The following ZNF837 variants were observed in gnomAD, a reference collection of about 807,000 sequenced individuals.
ZNF837 encodes the protein zinc finger protein 837.
For synonymous variants in ZNF837, 475 were observed against 365.2 expected (o/e 1.30, Z -3.43); for missense variants, 955 against 801.7 (o/e 1.19, Z -2.31).
At position 58,368,102 on chromosome 19, in the gene ZNF837, G is replaced by T; in HGVS notation, c.1231C>A (p.Arg411Ser). ...TAGGGCTTGGCGCTGCTGTGAGTGC[G>T]CTGGTGCCGGCTCAGGTTCGAGCGC... ...NQRSNLSRHQRTHSSAKPYAC... is the reference protein window; with the variant it reads ...NQRSNLSRHQSTHSSAKPYAC... The change falls in exon 3 of 3, where the codon CGC (arginine) becomes AGC (serine). Residue 411 changes from arginine (R) to serine (S), a missense_variant. Physicochemically the swap from Arg to Ser is moderately radical, Grantham distance 110. Transcript: ENST00000597582. 1 of 1,563,862 alleles carries T rather than the reference G, an allele frequency of 6.4e-7. No individual in the cohort carries two copies.
At chr19:58,375,212 C>T (rs1222869208) in intron 1 of ZNF837, among the ~76,000 whole-genome samples, 2 of 128,150 alleles carry the variant, frequency 1.6e-5, no homozygotes, top group Non-Finnish European at 3.2e-5. Context: ...GCCGAGATCA[C>T]AACACTGTAC....
At chr19:58,379,090 A>G (rs1200296550) in intron 1 of ZNF837, among the ~76,000 whole-genome samples, 2 of 152,202 alleles carry the variant, frequency 1.3e-5, no homozygotes, top group African/African-American at 4.8e-5. Context: ...AGCACCCTCG[A>G]CAGAATGTGT....
At position 58,368,980 on chromosome 19, in the gene ZNF837, G is replaced by A; in HGVS notation, c.353C>T (p.Pro118Leu). ...CCTGCTGCAGTCCCCGCCACGCGCTGGGCTCCTACAGGGGCCCTCCCGGGC... is the reference window on the plus strand; with the variant it reads ...CCTGCTGCAGTCCCCGCCACGCGCTAGGCTCCTACAGGGGCCCTCCCGGGC... ...LQAREGPCRS[P>L]ARGGDCSRNS... Residue 118 changes from proline (P) to leucine (L), a missense_variant, in exon 3 of 3, where the codon CCA becomes CTA. Pro to Leu is a moderately conservative substitution (Grantham distance 98, BLOSUM62 -3). Coordinates refer to ENST00000597582, the MANE Select transcript of ZNF837 (RefSeq NM_138466.2). 6.5e-7 allele frequency: 1 copy of A among 1,530,116 alleles called. No homozygotes were observed. The highest frequency in any genetic ancestry group is 8.8e-7 in the Non-Finnish European group (1 of 1,135,120). The allele number at this position is 1,530,116 out of a possible 1,614,324, so 94.8% of individuals were successfully genotyped here. A position where few individuals can be genotyped will look rare whatever the true frequency, so the allele number is the denominator to read the frequency against.
chr19:58,370,305 T>C (rs1160575601), intron 1 of ZNF837, among the ~76,000 whole-genome samples: 1 of 152,178 alleles, frequency 6.6e-6, no homozygotes, highest in Admixed American at 6.6e-5. Context: ...ATCTCTCTCT[T>C]TCTGGGTTTG....
intron 1 of ZNF837, among the ~76,000 whole-genome samples, chr19:58,379,444 C>T (rs553102547): frequency 6.6e-6 from 1 of 152,206 alleles, no homozygotes; most frequent in Non-Finnish European, 1.5e-5. Context: ...CCAACTATCC[C>T]ACCTGTAGGT....
Position 58,368,180 on chromosome 19 carries a change from G to C in ZNF837, c.1153C>G (p.His385Asp). The C allele has an allele frequency of 6.3e-7, 1 of 1,581,386 alleles. No individual in the cohort carries two copies. Among genetic ancestry groups the C allele is most frequent in the Non-Finnish European group, 8.6e-7 (1 of 1,165,894 alleles). Residue 385 changes from histidine to aspartate, a missense_variant, in exon 3 of 3, where the codon CAC becomes GAC. By Grantham distance (81) the His-to-Asp change is moderately conservative (BLOSUM62 -1). Coordinates refer to ENST00000597582, the MANE Select transcript of ZNF837 (RefSeq NM_138466.2). ...CACGCGTAGGGCTTCTCGCCGGTGTGCACGCGCCGGTGCTCCACGAGGTGC... is the reference window on the plus strand; with the variant it reads ...CACGCGTAGGGCTTCTCGCCGGTGTCCACGCGCCGGTGCTCCACGAGGTGC... ...FSHLVEHRRVHTGEKPYACPE... is the reference protein window; with the variant it reads ...FSHLVEHRRVDTGEKPYACPE...
rs2052168627 is a variant in ZNF837 at position 58,368,726 on chromosome 19, C to T, written c.607G>A (p.Gly203Ser). Reference sequence around the variant, plus strand: ...AGGGCCCTCCACGCAAAGGCCTCGCCGCACGCGCAAGCCCGGGGCTGCTCC... The same window carrying T: ...AGGGCCCTCCACGCAAAGGCCTCGCTGCACGCGCAAGCCCGGGGCTGCTCC... ...LVEQPRACAC[G>S]EAFAWRALRI... The change falls in exon 3 of 3, where the codon GGC becomes AGC. Residue 203 changes from glycine to serine, a missense_variant. Gly to Ser is a moderately conservative substitution (Grantham distance 56). Transcript: ENST00000597582. The T allele has an allele frequency of 1.3e-6, 2 of 1,536,504 alleles. No individual in the cohort carries two copies. Among genetic ancestry groups the T allele is most frequent in the East Asian group, 2.4e-5 (1 of 40,864 alleles).
At chr19:58,373,146 G>A (rs1599925158) in intron 1 of ZNF837, among the ~76,000 whole-genome samples, 1 of 152,198 alleles carries the variant, frequency 6.6e-6, no homozygotes, top group Admixed American at 6.5e-5. Context: ...AAAGCCACTC[G>A]GGGTCTGGGT....
intron 1 of ZNF837, among the ~76,000 whole-genome samples, chr19:58,379,906 A>G (rs976352619): frequency 6.6e-6 from 1 of 152,088 alleles, no homozygotes; most frequent in Non-Finnish European, 1.5e-5. Flanking sequence ...GAGGCTGGAG[A>G]ATCGCTTGAA....
At position 58,368,034 on chromosome 19, in the gene ZNF837, GC is replaced by G; in HGVS notation, c.1298del (p.Gly433AlafsTer?). ...LCEKAFKGRS[G>X]LVQHQRAHTG... ...TGTGCGCGCGCTGGTGTTGCACCAG[GC>G]CCGAGCGGCCCTTGAAGGCCTTTTC... On this transcript the variant is annotated frameshift_variant, in exon 3 of 3. Transcript: ENST00000597582. LOFTEE classifies it low-confidence loss of function (END_TRUNC). 6.5e-7 allele frequency: 1 copy of G among 1,536,642 alleles called. No individual in the cohort carries two copies. Among genetic ancestry groups the G allele is most frequent in the Non-Finnish European group, 8.7e-7 (1 of 1,145,790 alleles).
At chr19:58,376,245 A>AT (rs1367619702) in intron 1 of ZNF837, among the ~76,000 whole-genome samples, 2 of 151,520 alleles carry the variant, frequency 1.3e-5, no homozygotes, top group Non-Finnish European at 2.9e-5. Context: ...TAAGCAATAC[A>AT]TTTGTATTGA....
At position 58,368,010 on chromosome 19, in the gene ZNF837, G is replaced by A. The variant is rs1387972688; in HGVS notation, c.1323C>T (p.His441=). 1.3e-6 allele frequency: 2 copies of A among 1,533,156 alleles called. No individual in the cohort carries two copies. The highest frequency in any genetic ancestry group is 2.0e-5 in the Admixed American group (1 of 50,336). 95.0% of individuals were successfully genotyped at this position (1,533,156 alleles called of 1,614,324 possible). ...RSGLVQHQRA[H]TGERPYGCSE... is the part of the protein sequence containing the mutation. ...AGCAGCCATAGGGCCGCTCGCCGGT[G>A]TGCGCGCGCTGGTGTTGCACCAGGC... The change falls in exon 3 of 3, where the codon CAC becomes CAT. Residue 441 remains histidine, a synonymous_variant. Coordinates refer to ENST00000597582, the MANE Select transcript of ZNF837 (RefSeq NM_138466.2).
chr19:58,377,470 A>G (rs989443270), intron 1 of ZNF837, among the ~76,000 whole-genome samples: 1 of 135,240 alleles, frequency 7.4e-6, no homozygotes, highest in Non-Finnish European at 1.6e-5. Context: ...ACAGAACGAG[A>G]CTCCATCTCA....
chr19:58,367,790 G>T lies in ZNF837; in HGVS notation c.1543C>A (p.Arg515Ser). ...TTCCGGTGCTCGTTGAGGTTGGAGC[G>T]TTGGCTGAAGGCGCGGCCGCAATCT... ...CGDCGRAFSQ[R>S]SNLNEHRKRH... is the part of the protein sequence containing the mutation. The change falls in exon 3 of 3, where the codon CGC becomes AGC. Residue 515 changes from arginine to serine, a missense_variant. By Grantham distance (110) the Arg-to-Ser change is moderately radical. Coordinates refer to ENST00000597582, the MANE Select transcript of ZNF837 (RefSeq NM_138466.2). 6.5e-7 allele frequency: 1 copy of T among 1,536,266 alleles called. No individual in the cohort carries two copies. The highest frequency in any genetic ancestry group is 8.7e-7 in the Non-Finnish European group (1 of 1,146,016).
At chr19:58,369,589 C>A in intron 2 of ZNF837, 1 of 366,302 alleles carries the variant, frequency 2.7e-6, no homozygotes. Flanking sequence ...TGCCCGCCAT[C>A]ACCGTTCCTC....
At chr19:58,370,109 T>C (rs762794104) in intron 1 of ZNF837, among the ~76,000 whole-genome samples, 181 bp from the exon 2 acceptor site, 2 of 152,202 alleles carry the variant, frequency 1.3e-5, no homozygotes, top group African/African-American at 2.4e-5. Flanking sequence ...TGCCACCCCA[T>C]AGTGGCTTGA....
intron 1 of ZNF837, among the ~76,000 whole-genome samples, chr19:58,371,645 A>C (rs1460491224): frequency 6.6e-6 from 1 of 152,186 alleles, no homozygotes; most frequent in Admixed American, 6.5e-5. Flanking sequence ...TTCACTCGGC[A>C]CAGGAGCTCA....
At chr19:58,370,517 T>C (rs1387268670) in intron 1 of ZNF837, among the ~76,000 whole-genome samples, 2 of 152,206 alleles carry the variant, frequency 1.3e-5, no homozygotes, top group Non-Finnish European at 2.9e-5. Flanking sequence ...GCCATTATTC[T>C]GCTTACAACA....
chr19:58,374,969 A>AC (rs397826440), intron 1 of ZNF837, among the ~76,000 whole-genome samples: 4 of 148,248 alleles, frequency 2.7e-5, no homozygotes, highest in Non-Finnish European at 3.0e-5. Flanking sequence ...ACACACACAC[A>AC]AAAACATGGC....
Sources: gnomAD v4.1 joint callset for allele counts (sites outside exome capture counted in the v4.1 genomes callset) on GRCh38, gnomAD v4.1.1 for gene constraint, MANE v1.5 for transcripts, NCBI Gene and HGNC (gene_info 2026-07-23, HGNC 2026-07-21) for gene names.